The following TRPS1 variants were observed in gnomAD, a reference collection of about 807,000 sequenced individuals.
TRPS1 encodes the protein zinc finger transcription factor Trps1.
In TRPS1, 6 loss-of-function variants were observed where a neutral mutation model predicts 101.2. That is an observed-to-expected ratio of 0.06 (90% CI 0.03 to 0.12). TRPS1 has a LOEUF of 0.12. TRPS1 is among the 10% of genes least tolerant of loss of function. The pLI, the probability that TRPS1 is intolerant of heterozygous loss-of-function variation, is 1.00. For synonymous variants in TRPS1, 578 were observed against 589.8 expected (o/e 0.98, Z 0.29); for missense variants, 1,363 against 1,567.0 (o/e 0.87, Z 2.20).
chr8:115,419,992 TAAC>T (rs757980565), intron 5 of TRPS1, among the ~76,000 whole-genome samples: 29 of 152,288 alleles, frequency 1.9e-4, no homozygotes, highest in Admixed American at 7.2e-4. Flanking sequence ...AGCAATAACT[TAAC>T]AAGATTGGGG....
intron 3 of TRPS1, among the ~76,000 whole-genome samples, chr8:115,607,564 A>G (rs1818068796): frequency 6.6e-6 from 1 of 152,028 alleles, no homozygotes; most frequent in South Asian, 2.1e-4. Flanking sequence ...AAGCTAAAAA[A>G]TGAAAACTCA....
In TRPS1 at chr8:115,446,333, C is replaced by CAA. The variant is rs5894264; in HGVS notation, c.2701-27883_2701-27882dup. ...AAAAATATTTTTTTTTCCTGTCAGA[C>CAA]AAAAAAAAAAAAACCAACCCAAAAA... On this transcript the variant is annotated intron_variant, in intron 5 of 6. Transcript: ENST00000395715. 2.1e-3 allele frequency among the ~76,000 whole-genome samples: 297 copies of CAA among 140,050 alleles called. 1 individual carries two copies. In the East Asian group the frequency reaches 0.029, roughly 13 times the overall value. The allele number at this position is 140,050 out of a possible 152,430, so 91.9% of individuals were successfully genotyped here.
At chr8:115,543,040 T>A (rs1384700682) in intron 5 of TRPS1, among the ~76,000 whole-genome samples, 1 of 152,046 alleles carries the variant, frequency 6.6e-6, no homozygotes, top group Non-Finnish European at 1.5e-5. Context: ...TTTCAGCAAG[T>A]CATTATGGCA....
intron 5 of TRPS1, among the ~76,000 whole-genome samples, chr8:115,471,975 C>T (rs1025286215): frequency 6.6e-6 from 1 of 152,216 alleles, no homozygotes; most frequent in Non-Finnish European, 1.5e-5. Flanking sequence ...CCTTCATGGT[C>T]TGGCACTGAG....
Position 115,467,941 on chromosome 8 carries a change from C to T in TRPS1, c.2701-49489G>A, listed in dbSNP as rs369562564. 1.8e-4 allele frequency among the ~76,000 whole-genome samples: 28 copies of T among 152,258 alleles called. No homozygotes were observed. In the South Asian group the frequency reaches 3.9e-3, roughly 21 times the overall value. ...GTTACCCAAGAGTAGTCCTGCTGTA[C>T]GACATCAATTAGAATGACTGAGGCA... On this transcript the variant is annotated intron_variant, in intron 5 of 6. Coordinates refer to ENST00000395715, the MANE Select transcript of TRPS1 (RefSeq NM_014112.5).
chr8:115,508,381 A>T (rs1424989859), intron 5 of TRPS1, among the ~76,000 whole-genome samples: 1 of 152,084 alleles, frequency 6.6e-6, no homozygotes, highest in East Asian at 1.9e-4. Flanking sequence ...AGTTGACTGA[A>T]ATAAAAATTC....
intron 5 of TRPS1, among the ~76,000 whole-genome samples, chr8:115,500,318 G>A (rs928275032): frequency 3.9e-5 from 6 of 152,004 alleles, no homozygotes; most frequent in Admixed American, 1.3e-4. Flanking sequence ...GTGAGGCACC[G>A]TGCCCGGCCT....
intron 5 of TRPS1, among the ~76,000 whole-genome samples, chr8:115,479,345 A>C (rs990156110): frequency 1.2e-4 from 18 of 152,220 alleles, no homozygotes; most frequent in African/African-American, 4.3e-4. Flanking sequence ...AAGTGAGTTA[A>C]AGATTACTTT....
At chr8:115,419,098 T>C (rs1029346816) in intron 5 of TRPS1, among the ~76,000 whole-genome samples, 3 of 152,174 alleles carry the variant, frequency 2.0e-5, no homozygotes, top group Non-Finnish European at 4.4e-5. Flanking sequence ...CCACTTAAGT[T>C]AGGCAACATA....
intron 5 of TRPS1, among the ~76,000 whole-genome samples, chr8:115,427,856 G>T (rs1052213949): frequency 1.4e-5 from 2 of 138,434 alleles, no homozygotes; most frequent in Non-Finnish European, 3.1e-5. Flanking sequence ...GTGCTGGGGA[G>T]GGGGGAGGGG....
At chr8:115,434,750 C>T (rs1303331290) in intron 5 of TRPS1, among the ~76,000 whole-genome samples, 1 of 152,190 alleles carries the variant, frequency 6.6e-6, no homozygotes, top group Non-Finnish European at 1.5e-5. Flanking sequence ...AAATGCATAG[C>T]ATTCTCTGCC....
At chr8:115,451,972 C>G (rs548650403) in intron 5 of TRPS1, among the ~76,000 whole-genome samples, 1 of 152,272 alleles carries the variant, frequency 6.6e-6, no homozygotes, top group East Asian at 1.9e-4. Context: ...TCCCCAACCC[C>G]CACTTCTAAA....
intron 4 of TRPS1, among the ~76,000 whole-genome samples, chr8:115,591,462 C>T (rs1284489827): frequency 6.6e-6 from 1 of 152,098 alleles, no homozygotes; most frequent in African/African-American, 2.4e-5. Flanking sequence ...TCCTAGGTCC[C>T]TGCCCAAAAC....
intron 5 of TRPS1, among the ~76,000 whole-genome samples, chr8:115,433,810 T>C (rs1260436726): frequency 6.6e-6 from 1 of 152,130 alleles, no homozygotes; most frequent in African/African-American, 2.4e-5. Context: ...TTCCAACATC[T>C]CAAATACACT....
chr8:115,641,591 T>C (rs1818896464), intron 1 of TRPS1, among the ~76,000 whole-genome samples: 1 of 152,144 alleles, frequency 6.6e-6, no homozygotes, highest in African/African-American at 2.4e-5. Flanking sequence ...AAGACCTATA[T>C]TGAAAAACAA....
chr8:115,522,994 CA>C (rs1815903391), intron 5 of TRPS1, among the ~76,000 whole-genome samples: 1 of 152,050 alleles, frequency 6.6e-6, no homozygotes, highest in Admixed American at 6.6e-5. Flanking sequence ...TTCTGATTAA[CA>C]ATTAGCCAAG....
chr8:115,450,682 C>T (rs1423767057), intron 5 of TRPS1, among the ~76,000 whole-genome samples: 4 of 152,046 alleles, frequency 2.6e-5, no homozygotes, highest in Admixed American at 6.6e-5. Flanking sequence ...CATGTGACAC[C>T]CATACATCCC....
chr8:115,502,154 C>T (rs377379629), intron 5 of TRPS1, among the ~76,000 whole-genome samples: 1 of 152,028 alleles, frequency 6.6e-6, no homozygotes, highest in Admixed American at 6.5e-5. Flanking sequence ...AGATTTGAAT[C>T]GCCTTTTTTT....
chr8:115,421,873 A>G (rs1434287688), intron 5 of TRPS1, among the ~76,000 whole-genome samples: 4 of 152,178 alleles, frequency 2.6e-5, no homozygotes, highest in African/African-American at 9.7e-5. Context: ...AGTTATCAAC[A>G]TCCTTAGCCC....
Sources: gnomAD v4.1 joint callset for allele counts (sites outside exome capture counted in the v4.1 genomes callset) on GRCh38, gnomAD v4.1.1 for gene constraint, MANE v1.5 for transcripts, NCBI Gene and HGNC (gene_info 2026-07-23, HGNC 2026-07-21) for gene names.